The following KIF26A variants were observed in gnomAD, a reference collection of about 807,000 sequenced individuals.
KIF26A encodes the protein kinesin-like protein KIF26A.
KIF26A carries 74 observed loss-of-function variants against 126.0 expected under a neutral mutation model. The observed-to-expected ratio is 0.59, with a 90% confidence interval of 0.49 to 0.71. The LOEUF is 0.71. Among genes scored for constraint, KIF26A ranks in the 30% least tolerant of loss-of-function variants. The pLI is 0.00. For synonymous variants in KIF26A, 1,445 were observed against 1,232.7 expected, an observed-to-expected ratio of 1.17 and a Z score of -3.61; for missense variants, 2,984 against 2,763.3, an observed-to-expected ratio of 1.08 and a Z score of -1.79.
chr14:104,178,829 G>C, intron 13 of KIF26A, 74 bp downstream of exon 13: 1 of 868,822 alleles, frequency 1.2e-6, no homozygotes, highest in Non-Finnish European at 1.7e-6. Context: ...TGAGCCATTT[G>C]ATGGGCTCGC....
rs1260850522 is a variant in KIF26A, at chr14:104,177,552, AGACAGCGGCCAT to A, written c.4774_4785del (p.His1592_Gly1595del). 2 of 1,538,034 alleles carry A rather than the reference AGACAGCGGCCAT, an allele frequency of 1.3e-6. No individual in the cohort carries two copies. Among genetic ancestry groups the A allele is most frequent in the Middle Eastern group, 1.9e-4 (1 of 5,352 alleles). On this transcript the variant is annotated inframe_deletion, in exon 12 of 15. Transcript: ENST00000423312. ...GCTCCTCGTGGGGCTCGGCGGACTC[AGACAGCGGCCAT>A]GACAGCGGCGTGAACGTGGGGGAGG...
Position 104,166,941 on chromosome 14 carries a change from T to C in KIF26A, c.1006T>C (p.Tyr336His), listed in dbSNP as rs2037911260. Residue 336 changes from tyrosine to histidine, a missense_variant, in exon 5 of 15, where the codon TAC becomes CAC. Transcript: ENST00000423312. ...TCCAGCCACCCGCGGCACCTCCACC[T>C]ACCCCACCGACTTCAGCGGGGTCCT... ...PPPATRGTST[Y>H]PTDFSGVLQL... The C allele has an allele frequency of 3.1e-6, 5 of 1,593,210 alleles. No homozygotes were observed. The highest frequency in any genetic ancestry group is 4.3e-6 in the Non-Finnish European group (5 of 1,170,994).
chr14:104,172,053 G>A, intron 6 of KIF26A, 118 bp downstream of exon 6: 5 of 995,172 alleles, frequency 5.0e-6, no homozygotes, highest in Non-Finnish European at 7.3e-6. Flanking sequence ...CGTGAGCGAG[G>A]GGCCCGCTGC....
intron 3 of KIF26A, among the ~76,000 whole-genome samples, chr14:104,157,457 C>T (rs1380471449): frequency 6.6e-6 from 1 of 152,140 alleles, no homozygotes; most frequent in African/African-American, 2.4e-5. Context: ...AGTCTGGCTT[C>T]TGGACCACCA....
intron 12 of KIF26A, 146 bp from the exon 13 acceptor site, chr14:104,178,403 TG>T (rs1211426357): frequency 9.9e-6 from 6 of 608,122 alleles, no homozygotes; most frequent in East Asian, 6.4e-5. Context: ...CTCCCTGCCC[TG>T]GGCAGAGCGC....
chr14:104,173,306 C>A (rs756128983), intron 8 of KIF26A, 24 bp from the exon 9 acceptor site: 1 of 1,602,300 alleles, frequency 6.2e-7, no homozygotes, highest in Non-Finnish European at 8.5e-7. Context: ...ACTGAAGACG[C>A]CGCTGCCTCT....
In KIF26A at chr14:104,138,665, G is replaced by A; in HGVS notation, c.-58G>A. The A allele has an allele frequency of 2.4e-6, 3 of 1,230,916 alleles. No homozygotes were observed. The highest frequency in any genetic ancestry group is 3.1e-6 in the Non-Finnish European group (3 of 980,236). The allele number at this position is 1,230,916 out of a possible 1,614,324, so 76.2% of individuals were successfully genotyped here. Reference sequence around the variant, plus strand: ...CGGGGCCGGATCACGTAGCCGCGGCGCCCCCGGAGAGCCAGCGTGGCCGGG... The same window carrying A: ...CGGGGCCGGATCACGTAGCCGCGGCACCCCCGGAGAGCCAGCGTGGCCGGG... On this transcript the variant is annotated 5_prime_UTR_variant, in exon 1 of 15. Coordinates refer to ENST00000423312, the MANE Select transcript of KIF26A (RefSeq NM_015656.2).
chr14:104,174,095 TC>T (rs1272984991), intron 10 of KIF26A, 52 bp from the exon 11 acceptor site: 12 of 1,478,018 alleles, frequency 8.1e-6, no homozygotes, highest in Non-Finnish European at 1.1e-5. Context: ...GGCCAGCCTG[TC>T]CCCGAAGCTC....
chr14:104,171,991 C>A, intron 6 of KIF26A, 56 bp downstream of exon 6: 1 of 1,489,354 alleles, frequency 6.7e-7, no homozygotes, highest in Non-Finnish European at 9.1e-7. Flanking sequence ...GCTGCTGGCT[C>A]AGCACATGGG....
At position 104,152,555 on chromosome 14, in the gene KIF26A, T is replaced by G; in HGVS notation, c.735+94T>G. On this transcript the variant is annotated intron_variant, in intron 3 of 14. Coordinates refer to ENST00000423312, the MANE Select transcript of KIF26A (RefSeq NM_015656.2). The surrounding 1 kb of genome is among the most constrained non-coding windows in gnomAD (Gnocchi z 5.9). Reference sequence around the variant, plus strand: ...TCTGTCCACGTTGAGTGCCCTGCAGTAAGGCTTCCCTGAAGGGAGGGGACG... The same window carrying G: ...TCTGTCCACGTTGAGTGCCCTGCAGGAAGGCTTCCCTGAAGGGAGGGGACG... 8.0e-7 allele frequency: 1 copy of G among 1,246,612 alleles called. No homozygotes were observed. Among genetic ancestry groups the G allele is most frequent in the Non-Finnish European group, 1.1e-6 (1 of 922,946 alleles). 77.2% of individuals were successfully genotyped at this position (1,246,612 alleles called of 1,614,324 possible).
At position 104,171,601 on chromosome 14, in the gene KIF26A, G is replaced by A. The variant is rs1043685439; in HGVS notation, c.1114-122G>A. The A allele has an allele frequency of 1.0e-5, 8 of 775,486 alleles. 1 individual carries two copies. The South Asian group carries it at 1.2e-4, about 12-fold the overall frequency. The allele number at this position is 775,486 out of a possible 1,614,324, so 48.0% of individuals were successfully genotyped here. A position where few individuals can be genotyped will look rare whatever the true frequency, so the allele number is the denominator to read the frequency against. On this transcript the variant is annotated intron_variant, in intron 5 of 14. Transcript: ENST00000423312. ...AGGGGCGCGGTGTCCACATTCCTGC[G>A]GTGGGGGTGCCAGTGTGAGGCCTGG...
rs1265803267 is a variant in KIF26A, at chr14:104,151,690, C to G, written c.289-325C>G. Among the ~76,000 whole-genome samples, 1 of 152,224 alleles carries G rather than the reference C, an allele frequency of 6.6e-6. No individual in the cohort carries two copies. Among genetic ancestry groups the G allele is most frequent in the Non-Finnish European group, 1.5e-5 (1 of 68,044 alleles). On this transcript the variant is annotated intron_variant, in intron 2 of 14. Transcript: ENST00000423312. The surrounding 1 kb of genome is among the most constrained non-coding windows in gnomAD (Gnocchi z 4.9). ...CTTCTTGCCAGTCTCCTGCGTGTCC[C>G]CGGCCAGGCGGCCTTAGCTGACAGT...
In KIF26A at chr14:104,139,240, C is replaced by A; in HGVS notation, c.240C>A (p.Leu80=). 6.4e-7 allele frequency: 1 copy of A among 1,558,576 alleles called. No homozygotes were observed. The highest frequency in any genetic ancestry group is 8.7e-7 in the Non-Finnish European group (1 of 1,153,612). The change falls in exon 2 of 15, where the codon CTC becomes CTA. Residue 80 remains leucine, a synonymous_variant. Coordinates refer to ENST00000423312, the MANE Select transcript of KIF26A (RefSeq NM_015656.2). ...CRHCHTKLVE[L]KRQAWKLVSG... is the part of the protein sequence containing the mutation. Reference sequence around the variant, plus strand: ...ACTGCCACACGAAGCTGGTGGAGCTCAAGCGACAGGCGTGGAAGCTGGTCA... The same window carrying A: ...ACTGCCACACGAAGCTGGTGGAGCTAAAGCGACAGGCGTGGAAGCTGGTCA...
In KIF26A at chr14:104,152,990, G is replaced by A. The variant is rs561480074; in HGVS notation, c.735+529G>A. On this transcript the variant is annotated intron_variant, in intron 3 of 14. Coordinates refer to ENST00000423312, the MANE Select transcript of KIF26A (RefSeq NM_015656.2). This position sits in a 1 kb window ranked among gnomAD's most constrained non-coding sequence, Gnocchi z 5.9. The stretch of plus-strand genomic sequence containing the variant: ...CTGTGAAGAGCCGTGTTTCTGCCTG[G>A]TACACTGTCTAGTCACCACACAGCG... Among the ~76,000 whole-genome samples, 1 of 152,146 alleles carries A rather than the reference G, an allele frequency of 6.6e-6. No individual in the cohort carries two copies. The highest frequency in any genetic ancestry group is 1.5e-5 in the Non-Finnish European group (1 of 68,016).
In KIF26A at chr14:104,160,952, G is replaced by A. The variant is rs566499764; in HGVS notation, c.923+3010G>A. ...CCACTGTGGCCTCAGCAGAGCCCCC[G>A]TGTCAGCCTGGATGCCCAGGCCCAT... is the stretch of plus-strand genomic sequence containing the variant. On this transcript the variant is annotated intron_variant, in intron 4 of 14. Transcript: ENST00000423312. 1.7e-4 allele frequency among the ~76,000 whole-genome samples: 26 copies of A among 152,322 alleles called. No individual in the cohort carries two copies. The East Asian group carries it at 4.1e-3, about 24-fold the overall frequency.
chr14:104,165,801 A>C (rs1300950543), intron 4 of KIF26A, among the ~76,000 whole-genome samples: 12 of 138,394 alleles, frequency 8.7e-5, no homozygotes, highest in Admixed American at 4.3e-4. Context: ...CTGTGTGCAT[A>C]TGTGTGTCTG....
intron 2 of KIF26A, among the ~76,000 whole-genome samples, chr14:104,150,394 G>A (rs2037718157): frequency 6.6e-6 from 1 of 151,918 alleles, no homozygotes; most frequent in African/African-American, 2.4e-5. Flanking sequence ...CATAAATCAG[G>A]CAGCTGGGCC....
In KIF26A at chr14:104,177,051, C is replaced by T; in HGVS notation, c.4263C>T (p.Ala1421=). Residue 1421 remains alanine (A), a synonymous_variant, in exon 12 of 15, where the codon GCC becomes GCT. Transcript: ENST00000423312. ...CCAGGGCCACGTCCAGCCTGAAGGC[C>T]CGGGCCAGCAAGGTAGAAGCAGCAC... ...SVPRATSSLK[A]RASKVEAAHR... 2 of 1,585,724 alleles carry T rather than the reference C, an allele frequency of 1.3e-6. No individual in the cohort carries two copies. The highest frequency in any genetic ancestry group is 1.7e-6 in the Non-Finnish European group (2 of 1,174,336).
At position 104,148,565 on chromosome 14, in the gene KIF26A, G is replaced by T. The variant is rs2037700294; in HGVS notation, c.289-3450G>T. 6.6e-6 allele frequency among the ~76,000 whole-genome samples: 1 copy of T among 151,602 alleles called. No individual in the cohort carries two copies. Among genetic ancestry groups the T allele is most frequent in the Non-Finnish European group, 1.5e-5 (1 of 67,928 alleles). ...CCGGGATGGCTGGGAGAGGAGGCCT[G>T]GTCCCACTGCCCAGCCTGTGCAGAG... On this transcript the variant is annotated intron_variant, in intron 2 of 14. Transcript: ENST00000423312. The surrounding 1 kb of genome is among the most constrained non-coding windows in gnomAD (Gnocchi z 4.3).
Sources: gnomAD v4.1 joint callset for allele counts (sites outside exome capture counted in the v4.1 genomes callset) on GRCh38, gnomAD v4.1.1 for gene constraint, Gnocchi (gnomAD v3.1) non-coding constraint, MANE v1.5 for transcripts, NCBI Gene and HGNC (gene_info 2026-07-23, HGNC 2026-07-21) for gene names.